PCSK2: variants seen among roughly 807,000 people sequenced by gnomAD.
PCSK2 encodes the protein proprotein convertase subtilisin/kexin type 2.
In PCSK2, 14 loss-of-function variants were observed where a neutral mutation model predicts 69.7. The ratio of observed to expected loss-of-function variants is 0.20; its 90% CI spans 0.13 to 0.31. The LOEUF is 0.31. Ranked by LOEUF, PCSK2 falls within the 10% of genes least tolerant of loss-of-function variation. The probability of loss-of-function intolerance (pLI) is 1.00; values close to 1 mark genes in which losing one functional copy is unlikely to be tolerated. For missense variants in PCSK2, 544 were observed against 842.5 expected, an observed-to-expected ratio of 0.65 and a Z score of 4.39; for synonymous variants, 307 against 320.7, an observed-to-expected ratio of 0.96 and a Z score of 0.46.
At chr20:17,300,672 T>A (rs1021109831) in intron 2 of PCSK2, among the ~76,000 whole-genome samples, 1 of 152,214 alleles carries the variant, frequency 6.6e-6, no homozygotes, top group Non-Finnish European at 1.5e-5. Context: ...AGTGAGAATA[T>A]TTTTATTTTT....
chr20:17,472,201 C>A (rs1555798316), intron 11 of PCSK2, among the ~76,000 whole-genome samples: 1 of 151,650 alleles, frequency 6.6e-6, no homozygotes, highest in Non-Finnish European at 1.5e-5. Flanking sequence ...CCTGAGGGGA[C>A]TGTTCACTGA....
At chr20:17,332,515 T>C (rs1313111025) in intron 2 of PCSK2, among the ~76,000 whole-genome samples, 1 of 152,134 alleles carries the variant, frequency 6.6e-6, no homozygotes, top group African/African-American at 2.4e-5. Context: ...AGGGACACCA[T>C]CAAGCACAGC....
At chr20:17,260,073 C>T (rs1340681223) in intron 1 of PCSK2, among the ~76,000 whole-genome samples, 167 bp from the exon 2 acceptor site, 2 of 152,056 alleles carry the variant, frequency 1.3e-5, no homozygotes, top group Non-Finnish European at 2.9e-5. Flanking sequence ...AGAAGGAGGA[C>T]ATTGATAGGG....
At chr20:17,267,542 G>A (rs562768917) in intron 2 of PCSK2, among the ~76,000 whole-genome samples, 1 of 152,312 alleles carries the variant, frequency 6.6e-6, no homozygotes, top group African/African-American at 2.4e-5. Context: ...AACTCAAAGA[G>A]CTGCTGCTGG....
intron 2 of PCSK2, among the ~76,000 whole-genome samples, chr20:17,349,564 G>C (rs1249186796): frequency 6.6e-6 from 1 of 151,644 alleles, no homozygotes; most frequent in East Asian, 1.9e-4. Context: ...AGGGCCCAGA[G>C]GTAACTTCTA....
chr20:17,349,602 T>A (rs1036500325), intron 2 of PCSK2, among the ~76,000 whole-genome samples: 1 of 151,986 alleles, frequency 6.6e-6, no homozygotes, highest in Non-Finnish European at 1.5e-5. Context: ...GTGTCCCATA[T>A]GGATGCGTCC....
At chr20:17,412,479 G>GA (rs1463656761) in intron 6 of PCSK2, among the ~76,000 whole-genome samples, 2 of 152,048 alleles carry the variant, frequency 1.3e-5, no homozygotes, top group Non-Finnish European at 2.9e-5. Flanking sequence ...CAAGGTTAGA[G>GA]AAAAAAGAGT....
chr20:17,232,972 G>A (rs889957736), intron 1 of PCSK2, among the ~76,000 whole-genome samples: 4 of 152,100 alleles, frequency 2.6e-5, no homozygotes, highest in East Asian at 1.9e-4. Flanking sequence ...GCCTTAGATC[G>A]AATCCAAGCT....
chr20:17,261,587 T>C (rs961997320), intron 2 of PCSK2, among the ~76,000 whole-genome samples: 5 of 152,178 alleles, frequency 3.3e-5, no homozygotes, highest in African/African-American at 9.7e-5. Flanking sequence ...CAAGTATTCT[T>C]AAAGGATCTG....
At chr20:17,254,735 G>T (rs1048326430) in intron 1 of PCSK2, among the ~76,000 whole-genome samples, 2 of 152,140 alleles carry the variant, frequency 1.3e-5, no homozygotes, top group Non-Finnish European at 2.9e-5. Context: ...TGACAGCTGA[G>T]ATTTTGAAAG....
chr20:17,314,468 G>A (rs780877617), intron 2 of PCSK2, among the ~76,000 whole-genome samples: 2 of 152,198 alleles, frequency 1.3e-5, no homozygotes, highest in East Asian at 1.9e-4. Context: ...TTTGGCAATT[G>A]TGAGCTAACA....
chr20:17,481,502 C>T (rs1419950992), intron 11 of PCSK2, 82 bp from the exon 12 acceptor site: 38 of 1,357,316 alleles, frequency 2.8e-5, no homozygotes, highest in Admixed American at 3.7e-5. Flanking sequence ...TTGCCCTTTC[C>T]GCCACCTGAA....
chr20:17,389,244 A>G (rs1368274998), intron 5 of PCSK2, among the ~76,000 whole-genome samples: 3 of 152,148 alleles, frequency 2.0e-5, no homozygotes, highest in Non-Finnish European at 2.9e-5. Context: ...TGCCATGTAC[A>G]GCTCAGGTTG....
intron 5 of PCSK2, among the ~76,000 whole-genome samples, chr20:17,394,164 A>G (rs570444324): frequency 2.5e-4 from 38 of 152,310 alleles, no homozygotes; most frequent in African/African-American, 9.1e-4. Flanking sequence ...CTCTATGATA[A>G]TAACAAAATA....
intron 5 of PCSK2, among the ~76,000 whole-genome samples, chr20:17,400,296 T>C (rs2031605318): frequency 6.6e-6 from 1 of 152,228 alleles, no homozygotes; most frequent in Non-Finnish European, 1.5e-5. Context: ...AATATAATTC[T>C]GATGCAGAAA....
intron 2 of PCSK2, among the ~76,000 whole-genome samples, chr20:17,311,967 G>A (rs879616693): frequency 1.3e-5 from 2 of 152,098 alleles, no homozygotes; most frequent in African/African-American, 4.8e-5. Context: ...CCCATGTCAG[G>A]CCTAACTGAA....
chr20:17,418,183 A>G (rs2032044064), intron 6 of PCSK2, among the ~76,000 whole-genome samples: 1 of 152,206 alleles, frequency 6.6e-6, no homozygotes, highest in Non-Finnish European at 1.5e-5. Context: ...TCATTCAACT[A>G]ATTCTCGTAG....
chr20:17,417,170 T>C (rs937272082), intron 6 of PCSK2, among the ~76,000 whole-genome samples: 1 of 151,918 alleles, frequency 6.6e-6, no homozygotes, highest in South Asian at 2.1e-4. Flanking sequence ...ACTTAAAGTA[T>C]AAAAAAAAGA....
intron 2 of PCSK2, among the ~76,000 whole-genome samples, chr20:17,344,928 T>A (rs1012854957): frequency 7.5e-6 from 1 of 133,702 alleles, no homozygotes; most frequent in African/African-American, 2.9e-5. Flanking sequence ...AAAATTACCT[T>A]TTCCATAAAC....
Sources: gnomAD v4.1 joint callset for allele counts (sites outside exome capture counted in the v4.1 genomes callset) on GRCh38, gnomAD v4.1.1 for gene constraint, MANE v1.5 for transcripts, NCBI Gene and HGNC (gene_info 2026-07-23, HGNC 2026-07-21) for gene names.